Variants in PLA2G4D observed in about 807,000 individuals in gnomAD.
The protein encoded by PLA2G4D is phospholipase A2 group IVD.
PLA2G4D carries 80 observed loss-of-function variants against 94.4 expected under a neutral mutation model. The observed-to-expected ratio is 0.85, with a 90% confidence interval of 0.71 to 1.02. The LOEUF (loss-of-function observed/expected upper bound fraction) is 1.02, where lower values mean the gene tolerates loss of function less well. PLA2G4D is among the 50% of genes least tolerant of loss of function. The probability of loss-of-function intolerance (pLI) is 0.00; values close to 1 mark genes in which losing one functional copy is unlikely to be tolerated. For missense variants in PLA2G4D, 1,050 were observed against 1,034.7 expected (o/e 1.01, Z -0.20); for synonymous variants, 438 against 440.9 (o/e 0.99, Z 0.08).
intron 1 of PLA2G4D, among the ~76,000 whole-genome samples, chr15:42,091,102 C>T (rs969728034): frequency 2.6e-5 from 4 of 152,198 alleles, no homozygotes; most frequent in African/African-American, 4.8e-5. Flanking sequence ...CATTTTCTCT[C>T]GTGTCTTTCT....
At chr15:42,093,605 G>GTCCCTCTCATCTTCCCCCAGGGC in intron 1 of PLA2G4D, among the ~76,000 whole-genome samples, 2 of 152,282 alleles carry the variant, frequency 1.3e-5, no homozygotes, top group East Asian at 3.9e-4. Flanking sequence ...TCACTGAGGG[G>GTCCCTCTCATCTTCCCCCAGGGC]TCCCTCTCAT....
At chr15:42,086,744 C>T (rs372720544) in intron 3 of PLA2G4D, among the ~76,000 whole-genome samples, 1 of 152,008 alleles carries the variant, frequency 6.6e-6, no homozygotes, top group African/African-American at 2.4e-5. Flanking sequence ...CCCAGCTACT[C>T]GGGAGGCTGA....
At chr15:42,081,163 C>G in intron 11 of PLA2G4D, 30 bp from the exon 12 acceptor site, 1 of 1,605,756 alleles carries the variant, frequency 6.2e-7, no homozygotes, top group African/African-American at 1.3e-5. Flanking sequence ...GCTGGATTAA[C>G]AAGGAAAGGG....
In PLA2G4D at chr15:42,071,792, G is replaced by A. The variant is rs751893544; in HGVS notation, c.1555C>T (p.Arg519Trp). The change falls in exon 15 of 20, where the codon CGG (arginine) becomes TGG (tryptophan). Residue 519 changes from arginine (R) to tryptophan (W), a missense_variant. Transcript: ENST00000290472. The stretch of plus-strand genomic sequence containing the variant: ...CCCTCACCTTCCAGAAAGCAGATCC[G>A]GGGCTCCGGGATCCTCCTCATCAGC... ...GRLMRRIPEP[R>W]ICFLEAIWSN... 17 of 1,613,956 alleles carry A rather than the reference G, an allele frequency of 1.1e-5. No individual in the cohort carries two copies. In the East Asian group the frequency reaches 1.3e-4, roughly 13 times the overall value.
chr15:42,092,860 A>G (rs1890267693), intron 1 of PLA2G4D, among the ~76,000 whole-genome samples: 1 of 152,228 alleles, frequency 6.6e-6, no homozygotes, highest in Non-Finnish European at 1.5e-5. Flanking sequence ...TGGGGTCCAG[A>G]GTATCCTTGC....
chr15:42,086,130 A>T, intron 4 of PLA2G4D, 83 bp downstream of exon 4: 1 of 1,435,760 alleles, frequency 7.0e-7, no homozygotes. Flanking sequence ...GCAGCCTCCC[A>T]ACAGGTGGGA....
intron 3 of PLA2G4D, among the ~76,000 whole-genome samples, chr15:42,087,012 C>A (rs1890162133): frequency 6.6e-6 from 1 of 152,184 alleles, no homozygotes; most frequent in Admixed American, 6.5e-5. Flanking sequence ...TCTCATCTCA[C>A]CCCACAGTGA....
chr15:42,089,107 A>T (rs1890207440), intron 1 of PLA2G4D, among the ~76,000 whole-genome samples: 1 of 152,240 alleles, frequency 6.6e-6, no homozygotes, highest in East Asian at 1.9e-4. Flanking sequence ...ACCCTGAGGG[A>T]GCCAAAAGCC....
Position 42,071,439 on chromosome 15 carries a change from C to T in PLA2G4D, c.1681+5G>A. On this transcript the variant is annotated splice_donor_5th_base_variant and intron_variant, in intron 16 of 19. Coordinates refer to ENST00000290472, the MANE Select transcript of PLA2G4D (RefSeq NM_178034.4). ...CAGGCCCCTCAGTGCCCCTGCCCTTCCCACCTAAGCTCCTGGTCTTGTCCT... is the reference window on the plus strand; with the variant it reads ...CAGGCCCCTCAGTGCCCCTGCCCTTTCCACCTAAGCTCCTGGTCTTGTCCT... 6.2e-7 allele frequency: 1 copy of T among 1,608,624 alleles called. No individual in the cohort carries two copies. Among genetic ancestry groups the T allele is most frequent in the Non-Finnish European group, 8.5e-7 (1 of 1,176,784 alleles).
At position 42,084,898 on chromosome 15, in the gene PLA2G4D, C is replaced by G. The variant is rs1451033811; in HGVS notation, c.471+198G>C. ...CTCTCAGCAGAGCCCTGCCTCCCCT[C>G]TCTCTATGCGCCCCTTAGCTCCAGG... On this transcript the variant is annotated intron_variant, in intron 6 of 19. Transcript: ENST00000290472. This position sits in a 1 kb window ranked among gnomAD's most constrained non-coding sequence, Gnocchi z 4.8. Among the ~76,000 whole-genome samples, 1 of 152,192 alleles carries G rather than the reference C, an allele frequency of 6.6e-6. No individual in the cohort carries two copies. Among genetic ancestry groups the G allele is most frequent in the African/African-American group, 2.4e-5 (1 of 41,444 alleles).
intron 1 of PLA2G4D, among the ~76,000 whole-genome samples, chr15:42,091,527 G>A (rs535693758): frequency 1.3e-5 from 2 of 152,288 alleles, no homozygotes; most frequent in Admixed American, 6.5e-5. Flanking sequence ...ATGGTCTAGC[G>A]GTAGCGAAAA....
chr15:42,081,468 C>T lies in PLA2G4D; in HGVS notation c.957+11G>A, dbSNP rs748812654. The T allele has an allele frequency of 3.1e-6, 5 of 1,611,870 alleles. No homozygotes were observed. Among genetic ancestry groups the T allele is most frequent in the Non-Finnish European group, 4.2e-6 (5 of 1,178,960 alleles). ...GGATATCTGCACACACATCCCTCTG[C>T]ACCCCCAGACCTCATCCTCCTGCAG... On this transcript the variant is annotated intron_variant, in intron 11 of 19. Transcript: ENST00000290472.
intron 13 of PLA2G4D, among the ~76,000 whole-genome samples, chr15:42,074,271 C>A (rs1192965074): frequency 6.6e-6 from 1 of 152,172 alleles, no homozygotes; most frequent in Non-Finnish European, 1.5e-5. Flanking sequence ...TCTAACCCCC[C>A]AGTTTCCAAG....
In PLA2G4D at chr15:42,082,269, G is replaced by A. The variant is rs1245130432; in HGVS notation, c.783+10C>T. 12 of 1,605,126 alleles carry A rather than the reference G, an allele frequency of 7.5e-6. No homozygotes were observed. The highest frequency in any genetic ancestry group is 1.0e-5 in the Non-Finnish European group (12 of 1,172,072). On this transcript the variant is annotated intron_variant, in intron 9 of 19. Coordinates refer to ENST00000290472, the MANE Select transcript of PLA2G4D (RefSeq NM_178034.4). ...TTACTGGCATTTCCCATCCAGTTGA[G>A]GCCACTTACATTTGGAGCAGGAACA...
chr15:42,068,670 G>C lies in PLA2G4D; in HGVS notation c.*45C>G, dbSNP rs759837734. 1.5e-4 allele frequency: 237 copies of C among 1,537,884 alleles called. 1 individual carries two copies. The highest frequency in any genetic ancestry group is 5.1e-4 in the South Asian group (43 of 84,168). Reference sequence around the variant, plus strand: ...GTGGCTGAGCCCAGCTACAGATCAGGTTATGCCCGCAGGCCCTGGAGGGTC... The same window carrying C: ...GTGGCTGAGCCCAGCTACAGATCAGCTTATGCCCGCAGGCCCTGGAGGGTC... On this transcript the variant is annotated 3_prime_UTR_variant, in exon 20 of 20. Coordinates refer to ENST00000290472, the MANE Select transcript of PLA2G4D (RefSeq NM_178034.4).
rs1180502754 is a variant in PLA2G4D, at chr15:42,067,192, G to C, written c.*1523C>G. 6.6e-6 allele frequency: 1 copy of C among 150,928 alleles called. No individual in the cohort carries two copies. The highest frequency in any genetic ancestry group is 2.4e-5 in the African/African-American group (1 of 41,136). 9.3% of individuals were successfully genotyped at this position (150,928 alleles called of 1,614,324 possible). On this transcript the variant is annotated 3_prime_UTR_variant, in exon 20 of 20. Coordinates refer to ENST00000290472, the MANE Select transcript of PLA2G4D (RefSeq NM_178034.4). ...CACTACAACCCCCACCTGGGGCCAG[G>C]TGTGTGTGTGTGTGTATGTGTACAC...
intron 13 of PLA2G4D, among the ~76,000 whole-genome samples, chr15:42,079,150 T>C (rs1889983070): frequency 6.6e-6 from 1 of 152,254 alleles, no homozygotes. Flanking sequence ...TAAGAGGTAC[T>C]GGTGTTAGAA....
rs1555390559 is a variant in PLA2G4D, at chr15:42,067,555, A to AAG, written c.*1159_*1160insCT. The stretch of plus-strand genomic sequence containing the variant: ...TGAGATTCTGTCTCAAAAAAAAAAA[A>AAG]AAAGAAAGAAAAAGAAAAAGAAATG... On this transcript the variant is annotated 3_prime_UTR_variant, in exon 20 of 20. Coordinates refer to ENST00000290472, the MANE Select transcript of PLA2G4D (RefSeq NM_178034.4). The AAG allele has an allele frequency of 5.9e-5, 9 of 151,634 alleles. No homozygotes were observed. Among genetic ancestry groups the AAG allele is most frequent in the Non-Finnish European group, 1.2e-4 (8 of 67,928 alleles). 9.4% of individuals were successfully genotyped at this position (151,634 alleles called of 1,614,324 possible). A position where few individuals can be genotyped will look rare whatever the true frequency, so the allele number is the denominator to read the frequency against.
intron 12 of PLA2G4D, 150 bp from the exon 13 acceptor site, chr15:42,079,909 C>G: frequency 1.5e-6 from 1 of 657,782 alleles, no homozygotes; most frequent in Non-Finnish European, 2.5e-6. Flanking sequence ...GGCTTTCTCT[C>G]CTTCTAGATC....
Sources: allele counts gnomAD v4.1 joint callset (sites outside exome capture counted in the v4.1 genomes callset), GRCh38; gene constraint gnomAD v4.1.1; non-coding constraint Gnocchi (gnomAD v3.1); transcripts MANE v1.5; gene names NCBI Gene and HGNC (gene_info 2026-07-23, HGNC 2026-07-21).